The following LRRC58 variants were observed in gnomAD, a reference collection of about 807,000 sequenced individuals.
The protein encoded by LRRC58 is leucine-rich repeat-containing protein 58.
LRRC58 carries 18 observed loss-of-function variants against 30.6 expected under a neutral mutation model. That is an observed-to-expected ratio of 0.59 (90% confidence interval 0.41 to 0.87). LRRC58 has a LOEUF of 0.87. LRRC58 is among the 40% of genes least tolerant of loss of function. The pLI, the probability that LRRC58 is intolerant of heterozygous loss-of-function variation, is 0.00. For missense variants in LRRC58, 420 were observed against 468.4 expected (o/e 0.90, Z 0.95); for synonymous variants, 221 against 206.0 (o/e 1.07, Z -0.62).
Position 120,331,189 on chromosome 3 carries a change from T to C in LRRC58, c.*11A>G. 5 of 1,612,450 alleles carry C rather than the reference T, an allele frequency of 3.1e-6. No homozygotes were observed. Among genetic ancestry groups the C allele is most frequent in the African/African-American group, 1.3e-5 (1 of 75,022 alleles). ...GTTTTTTAAGTATTTCACAACACTG[T>C]GCACTCCTGTTCAACCAAGAAGAAC... On this transcript the variant is annotated 3_prime_UTR_variant, in exon 4 of 4. Coordinates refer to ENST00000295628, the MANE Select transcript of LRRC58 (RefSeq NM_001099678.2).
intron 1 of LRRC58, among the ~76,000 whole-genome samples, chr3:120,345,587 G>A (rs1365842079): frequency 2.6e-5 from 4 of 152,140 alleles, no homozygotes; most frequent in Admixed American, 1.3e-4. Context: ...TCACTATCTC[G>A]CCTCAAGTAA....
rs748045455 is a variant in LRRC58, at chr3:120,335,855, T to C, written c.599A>G (p.Lys200Arg). Residue 200 changes from lysine (K) to arginine (R), a missense_variant, in exon 2 of 4, where the codon AAA (lysine) becomes AGA (arginine). Lys to Arg is a conservative substitution (Grantham distance 26). Around this residue, in one of 2 missense-constraint regions of LRRC58, gnomAD observed 154 missense variants for 216.8 expected, o/e 0.71. Transcript: ENST00000295628. ...SLNYLVLCDN[K>R]IQSIPPQLSQ... The stretch of plus-strand genomic sequence containing the variant: ...AAGTTGAGGAGGTATGCTTTGGATT[T>C]TGTTGTCACATAATACCAAATAATT... 12 of 1,611,402 alleles carry C rather than the reference T, an allele frequency of 7.4e-6. No individual in the cohort carries two copies. Among genetic ancestry groups the C allele is most frequent in the African/African-American group, 1.3e-5 (1 of 74,878 alleles).
At chr3:120,334,466 C>T (rs1214127403) in intron 3 of LRRC58, among the ~76,000 whole-genome samples, 2 of 151,946 alleles carry the variant, frequency 1.3e-5, no homozygotes, top group African/African-American at 4.8e-5. Context: ...CGAGATCGCG[C>T]CACTGCACTC....
intron 1 of LRRC58, among the ~76,000 whole-genome samples, chr3:120,338,118 C>T (rs547173622): frequency 3.3e-5 from 5 of 152,170 alleles, no homozygotes; most frequent in South Asian, 2.1e-4. Context: ...GCTGGGATTA[C>T]GGGCGTGAGC....
intron 1 of LRRC58, among the ~76,000 whole-genome samples, chr3:120,337,187 C>T (rs1190992992): frequency 1.3e-5 from 2 of 152,140 alleles, no homozygotes; most frequent in Non-Finnish European, 2.9e-5. Flanking sequence ...CAGATAAAGC[C>T]AAGTTACCTT....
intron 3 of LRRC58, 39 bp downstream of exon 3, chr3:120,334,823 G>C: frequency 6.5e-7 from 1 of 1,538,576 alleles, no homozygotes; most frequent in South Asian, 1.3e-5. Flanking sequence ...TTAAAAAATA[G>C]CTAAATAAGT....
At chr3:120,332,694 T>A (rs9876547) in intron 3 of LRRC58, among the ~76,000 whole-genome samples, 17,952 of 152,166 alleles carry the variant, frequency 0.12, 1,138 homozygotes, top group African/African-American at 0.16. Flanking sequence ...AACTAACGAA[T>A]TTGAGGGGGA....
At position 120,331,233 on chromosome 3, in the gene LRRC58, A is replaced by C; in HGVS notation, c.1083T>G (p.Ala361=). ...GAAGAACTTTCTGCATTCTGCGTGC[A>C]GCAACACTAGCTTCATCTTCTGAGT... ...ESDSEDEASV[A]ARRMQKVLLG Residue 361 remains alanine, a synonymous_variant, in exon 4 of 4, where the codon GCT becomes GCG. Transcript: ENST00000295628. 1 of 1,613,988 alleles carries C rather than the reference A, an allele frequency of 6.2e-7. No homozygotes were observed. Among genetic ancestry groups the C allele is most frequent in the Non-Finnish European group, 8.5e-7 (1 of 1,179,876 alleles).
At chr3:120,348,685 C>A (rs1576186776) in intron 1 of LRRC58, 59 bp downstream of exon 1, 2 of 1,479,628 alleles carry the variant, frequency 1.4e-6, no homozygotes, top group Admixed American at 4.9e-5. Context: ...AGGCCCGGCG[C>A]CCCAGGGTTC....
chr3:120,333,117 A>G (rs1576181250), intron 3 of LRRC58, among the ~76,000 whole-genome samples: 2 of 152,088 alleles, frequency 1.3e-5, no homozygotes, highest in Non-Finnish European at 2.9e-5. Context: ...GAAAAAAAAA[A>G]AGAGATCCTT....
At chr3:120,346,256 C>CA (rs1407556654) in intron 1 of LRRC58, among the ~76,000 whole-genome samples, 7 of 150,684 alleles carry the variant, frequency 4.6e-5, no homozygotes, top group Non-Finnish European at 7.4e-5. Context: ...AACTCCATCT[C>CA]AAAAAAACAG....
rs1553781897 is a variant in LRRC58 at position 120,328,269 on chromosome 3, A to C, written c.*2931T>G. ...CTGGAATCAATGTATCATATTCACT[A>C]ATCTTCCTATTGCCCAGAATCTTAG... is the stretch of plus-strand genomic sequence containing the variant. On this transcript the variant is annotated 3_prime_UTR_variant, in exon 4 of 4. Coordinates refer to ENST00000295628, the MANE Select transcript of LRRC58 (RefSeq NM_001099678.2). 2.0e-5 allele frequency: 3 copies of C among 152,246 alleles called. No homozygotes were observed. Among genetic ancestry groups the C allele is most frequent in the South Asian group, 4.1e-4 (2 of 4,822 alleles). The allele number at this position is 152,246 out of a possible 1,614,324, so 9.4% of individuals were successfully genotyped here.
chr3:120,345,828 T>C (rs1202509605), intron 1 of LRRC58, among the ~76,000 whole-genome samples: 1 of 152,258 alleles, frequency 6.6e-6, no homozygotes, highest in African/African-American at 2.4e-5. Context: ...CATACATTAT[T>C]GGTGTCAAAG....
chr3:120,335,238 A>G, intron 2 of LRRC58, 99 bp from the exon 3 acceptor site: 12 of 1,025,988 alleles, frequency 1.2e-5, no homozygotes, highest in Non-Finnish European at 5.7e-6. Flanking sequence ...TCCCCTTAAG[A>G]ATGAGCAATT....
At chr3:120,345,991 G>A (rs544185835) in intron 1 of LRRC58, among the ~76,000 whole-genome samples, 40 of 152,270 alleles carry the variant, frequency 2.6e-4, no homozygotes, top group African/African-American at 9.6e-4. Flanking sequence ...AGTGCCTCAC[G>A]CCTGTAATCC....
In LRRC58 at chr3:120,346,253, T is replaced by C. The variant is rs141590854; in HGVS notation, c.500+2491A>G. ...GCCTGGGCAACAGAGTGAAACTCCA[T>C]CTCAAAAAAACAGAAAACAAAAAAC... is the stretch of plus-strand genomic sequence containing the variant. On this transcript the variant is annotated intron_variant, in intron 1 of 3. Transcript: ENST00000295628. Among the ~76,000 whole-genome samples the C allele has an allele frequency of 5.1e-3, 767 of 151,318 alleles. 9 individuals are homozygous for C. Among genetic ancestry groups the C allele is most frequent in the African/African-American group, 0.016 (649 of 41,192 alleles).
chr3:120,337,042 C>A (rs1008029435), intron 1 of LRRC58, among the ~76,000 whole-genome samples: 1 of 152,058 alleles, frequency 6.6e-6, no homozygotes, highest in East Asian at 1.9e-4. Context: ...GTTACCCAAA[C>A]TTCCATGGTA....
At chr3:120,342,058 G>A (rs886399887) in intron 1 of LRRC58, among the ~76,000 whole-genome samples, 1 of 152,090 alleles carries the variant, frequency 6.6e-6, no homozygotes, top group Non-Finnish European at 1.5e-5. Context: ...AGGCTCGAGG[G>A]TGTCTTCTCC....
intron 1 of LRRC58, among the ~76,000 whole-genome samples, chr3:120,342,628 G>C (rs1935918346): frequency 6.6e-6 from 1 of 152,202 alleles, no homozygotes; most frequent in Non-Finnish European, 1.5e-5. Context: ...CCTGCCTACA[G>C]AGAGGAGCTA....
Sources: allele counts gnomAD v4.1 joint callset (sites outside exome capture counted in the v4.1 genomes callset), GRCh38; gene constraint gnomAD v4.1.1; regional missense constraint gnomAD v4.1.1; transcripts MANE v1.5; gene names NCBI Gene and HGNC (gene_info 2026-07-23, HGNC 2026-07-21).